The following DCC variants were observed in gnomAD, a reference collection of about 807,000 sequenced individuals.
DCC encodes DCC netrin 1 receptor.
A neutral mutation model predicts 172.5 loss-of-function variants in DCC; 58 were observed. The observed-to-expected ratio is 0.34, with a 90% confidence interval of 0.27 to 0.42. The LOEUF is 0.42. Ranked by LOEUF, DCC falls within the 10% of genes least tolerant of loss-of-function variation. The probability of loss-of-function intolerance (pLI) is 1.00; values close to 1 mark genes in which losing one functional copy is unlikely to be tolerated. For synonymous variants in DCC, 709 were observed against 644.5 expected (o/e 1.10, Z -1.52); for missense variants, 1,740 against 1,791.0 (o/e 0.97, Z 0.51).
chr18:53,439,079 G>T (rs964311413), intron 22 of DCC, among the ~76,000 whole-genome samples: 10 of 152,158 alleles, frequency 6.6e-5, no homozygotes, highest in Non-Finnish European at 1.5e-4. Flanking sequence ...AGGCTGTCTG[G>T]CTGATTAAGG....
At chr18:53,138,974 G>A (rs939275262) in intron 7 of DCC, among the ~76,000 whole-genome samples, 52 of 152,274 alleles carry the variant, frequency 3.4e-4, no homozygotes, top group African/African-American at 1.1e-3. Flanking sequence ...GTGTTTGTAC[G>A]TACTATATAC....
rs1241364673 is a variant in DCC, at chr18:52,824,167, AGAAATACGCTGGTTTTCAATAAAGGG to A, written c.412+71798_412+71823del. 4.6e-5 allele frequency among the ~76,000 whole-genome samples: 7 copies of A among 152,352 alleles called. No individual in the cohort carries two copies. The South Asian group carries it at 1.4e-3, about 32-fold the overall frequency. On this transcript the variant is annotated intron_variant, in intron 2 of 28. Coordinates refer to ENST00000442544, the MANE Select transcript of DCC (RefSeq NM_005215.4). The stretch of plus-strand genomic sequence containing the variant: ...ACACGGAAAAGTGGGTCACTTGATG[AGAAATACGCTGGTTTTCAATAAAGGG>A]GAAAGTGATGTTTTTTTCTTCAACT...
At chr18:53,244,242 G>A (rs539770181) in intron 12 of DCC, among the ~76,000 whole-genome samples, 2 of 152,096 alleles carry the variant, frequency 1.3e-5, no homozygotes, top group South Asian at 4.2e-4. Context: ...TTAAAATAGG[G>A]ATCACCTACA....
chr18:52,762,400 G>A (rs921383997), intron 2 of DCC, among the ~76,000 whole-genome samples: 3 of 151,946 alleles, frequency 2.0e-5, no homozygotes, highest in African/African-American at 7.3e-5. Flanking sequence ...CTTGAGCCAG[G>A]AGATCAAGGC....
chr18:52,480,017 T>G (rs566464524), intron 1 of DCC, among the ~76,000 whole-genome samples: 1 of 152,224 alleles, frequency 6.6e-6, no homozygotes, highest in African/African-American at 2.4e-5. Flanking sequence ...CTCTATATAG[T>G]TCTCTTGACA....
intron 1 of DCC, among the ~76,000 whole-genome samples, chr18:52,503,820 C>T (rs2031122170): frequency 6.6e-6 from 1 of 152,134 alleles, no homozygotes; most frequent in South Asian, 2.1e-4. Flanking sequence ...TATTTGGCTG[C>T]TTCCTGAGCC....
chr18:53,089,576 TA>T (rs920548901), intron 7 of DCC, among the ~76,000 whole-genome samples: 128 of 112,802 alleles, frequency 1.1e-3, no homozygotes, highest in African/African-American at 3.1e-3. Context: ...TCCTCCTAAC[TA>T]AAAAAAAAAC....
intron 24 of DCC, among the ~76,000 whole-genome samples, chr18:53,464,638 A>C (rs2045596829): frequency 6.6e-6 from 1 of 151,904 alleles, no homozygotes; most frequent in Non-Finnish European, 1.5e-5. Context: ...AAAAAAAAAA[A>C]CTGAAAACCC....
chr18:52,896,921 A>G (rs912737354), intron 2 of DCC, among the ~76,000 whole-genome samples: 8 of 152,266 alleles, frequency 5.3e-5, no homozygotes, highest in Admixed American at 2.6e-4. Flanking sequence ...TCATTCCCTC[A>G]GAGACAGTAT....
At chr18:53,389,178 A>G (rs1339197558) in intron 16 of DCC, among the ~76,000 whole-genome samples, 2 of 152,142 alleles carry the variant, frequency 1.3e-5, no homozygotes, top group African/African-American at 2.4e-5. Flanking sequence ...TCTCAGCAAA[A>G]GTTTGGAGGC....
At chr18:52,922,782 C>A (rs1338910174) in intron 3 of DCC, among the ~76,000 whole-genome samples, 1 of 152,244 alleles carries the variant, frequency 6.6e-6, no homozygotes, top group Non-Finnish European at 1.5e-5. Context: ...CAGGCATTAT[C>A]AGTAGAGCTT....
intron 21 of DCC, among the ~76,000 whole-genome samples, chr18:53,429,050 TATATTATATATTTTATATATAATATATA>T (rs1568127064): frequency 7.5e-5 from 5 of 66,378 alleles, no homozygotes; most frequent in African/African-American, 9.6e-5. Context: ...TTATATATAA[TATATTATATATTTTATATATAATATATA>T]TTTTATATAA....
chr18:53,176,148 C>T (rs1470575006), intron 8 of DCC, among the ~76,000 whole-genome samples: 1 of 134,044 alleles, frequency 7.5e-6, no homozygotes, highest in African/African-American at 2.9e-5. Context: ...AAACTGGATC[C>T]CTTCCTTACA....
At chr18:53,484,006 G>GAT (rs2045870922) in intron 25 of DCC, among the ~76,000 whole-genome samples, 1 of 139,888 alleles carries the variant, frequency 7.1e-6, no homozygotes, top group Non-Finnish European at 1.6e-5. Context: ...TAGATAGATA[G>GAT]ATAGATATAG....
Position 53,313,309 on chromosome 18 carries a change from G to A in DCC, c.2053+7590G>A, listed in dbSNP as rs142738090. Among the ~76,000 whole-genome samples the A allele has an allele frequency of 4.6e-3, 703 of 152,050 alleles. 8 individuals are homozygous for A. Among genetic ancestry groups the A allele is most frequent in the African/African-American group, 0.016 (655 of 41,480 alleles). ...GGCCCAGGGTTGAGTGCAGCGGCACGATCTCGTCTCACTGCAACCTCCGCG... is the reference window on the plus strand; with the variant it reads ...GGCCCAGGGTTGAGTGCAGCGGCACAATCTCGTCTCACTGCAACCTCCGCG... On this transcript the variant is annotated intron_variant, in intron 13 of 28. Coordinates refer to ENST00000442544, the MANE Select transcript of DCC (RefSeq NM_005215.4).
chr18:52,788,646 A>G (rs981691345), intron 2 of DCC, among the ~76,000 whole-genome samples: 9 of 152,194 alleles, frequency 5.9e-5, no homozygotes, highest in Admixed American at 2.0e-4. Context: ...CGCATAACAC[A>G]TATATAGCAA....
intron 5 of DCC, among the ~76,000 whole-genome samples, chr18:52,983,056 A>G (rs562229279): frequency 3.1e-4 from 47 of 152,270 alleles, no homozygotes; most frequent in Non-Finnish European, 6.3e-4. Flanking sequence ...CTTTTACTCT[A>G]TAAAGTGTCT....
At chr18:52,351,684 G>A (rs1341467900) in intron 1 of DCC, among the ~76,000 whole-genome samples, 15 of 152,152 alleles carry the variant, frequency 9.9e-5, no homozygotes, top group Non-Finnish European at 1.5e-5. Context: ...CCTTGTTCTG[G>A]GGCCTCCTTC....
chr18:52,549,413 C>G (rs925374622), intron 1 of DCC, among the ~76,000 whole-genome samples: 63 of 152,028 alleles, frequency 4.1e-4, no homozygotes, highest in African/African-American at 1.5e-3. Context: ...TGGACACTTA[C>G]CTTATAAGCA....
Sources: gnomAD v4.1 joint callset for allele counts (sites outside exome capture counted in the v4.1 genomes callset) on GRCh38, gnomAD v4.1.1 for gene constraint, MANE v1.5 for transcripts, NCBI Gene and HGNC (gene_info 2026-07-23, HGNC 2026-07-21) for gene names.